RAB18: variants seen among roughly 807,000 people sequenced by gnomAD.
The protein encoded by RAB18 is RAB18, member RAS oncogene family.
Under a neutral mutation model 28.5 loss-of-function variants are expected in RAB18, and 10 were observed. The observed-to-expected ratio is 0.35, with a 90% CI of 0.22 to 0.60. The LOEUF (loss-of-function observed/expected upper bound fraction) is 0.60, where lower values mean the gene tolerates loss of function less well. Among genes scored for constraint, RAB18 ranks in the 20% least tolerant of loss-of-function variants. RAB18 has a pLI of 0.78. For synonymous variants in RAB18, 93 were observed against 86.9 expected, an observed-to-expected ratio of 1.07 and a Z score of -0.39; for missense variants, 188 against 244.2, an observed-to-expected ratio of 0.77 and a Z score of 1.53.
At position 27,541,359 on chromosome 10, in the gene RAB18, T is replaced by C. The variant is rs61843364; in HGVS notation, c.*3308T>C. On this transcript the variant is annotated 3_prime_UTR_variant, in exon 7 of 7. Coordinates refer to ENST00000356940, the MANE Select transcript of RAB18 (RefSeq NM_021252.5). ...TCACCCAGGTCTTTTTTTTTTTTTT[T>C]AATTTTTCTCTCCTCAGTTGGGAAC... 1 of 418,886 alleles carries C rather than the reference T, an allele frequency of 2.4e-6. No homozygotes were observed. 25.9% of individuals were successfully genotyped at this position (418,886 alleles called of 1,614,324 possible). A position where few individuals can be genotyped will look rare whatever the true frequency, so the allele number is the denominator to read the frequency against.
At chr10:27,532,380 C>G in intron 3 of RAB18, 127 bp from the exon 4 acceptor site, 1 of 631,490 alleles carries the variant, frequency 1.6e-6, no homozygotes, top group Non-Finnish European at 2.7e-6. Context: ...TATTTAAGTT[C>G]CAGTTTTTTA....
intron 1 of RAB18, among the ~76,000 whole-genome samples, chr10:27,505,933 GAAT>G (rs1837820212): frequency 1.3e-5 from 2 of 152,294 alleles, no homozygotes; most frequent in Admixed American, 1.3e-4. Flanking sequence ...CCAAGGAATA[GAAT>G]AATGAAATAC....
In RAB18 at chr10:27,540,682, T is replaced by C. The variant is rs1315827574; in HGVS notation, c.*2631T>C. Reference sequence around the variant, plus strand: ...TAGGGGACTTATGGTACCTTCACTTTTTATGTGAGAATAGAAATTATGGAA... The same window carrying C: ...TAGGGGACTTATGGTACCTTCACTTCTTATGTGAGAATAGAAATTATGGAA... On this transcript the variant is annotated 3_prime_UTR_variant, in exon 7 of 7. Coordinates refer to ENST00000356940, the MANE Select transcript of RAB18 (RefSeq NM_021252.5). The C allele has an allele frequency of 2.2e-6, 1 of 454,074 alleles. No homozygotes were observed. The highest frequency in any genetic ancestry group is 1.6e-5 in the South Asian group (1 of 64,470). The allele number at this position is 454,074 out of a possible 1,614,324, so 28.1% of individuals were successfully genotyped here.
chr10:27,513,753 G>C (rs546935681), intron 2 of RAB18, among the ~76,000 whole-genome samples: 1 of 152,270 alleles, frequency 6.6e-6, no homozygotes, highest in South Asian at 2.1e-4. Flanking sequence ...GGAGCTCAGA[G>C]ACAACAAGAA....
At chr10:27,522,633 T>C (rs1186869270) in intron 2 of RAB18, among the ~76,000 whole-genome samples, 5 of 152,166 alleles carry the variant, frequency 3.3e-5, no homozygotes, top group African/African-American at 9.6e-5. Context: ...TGCCTTCTTA[T>C]CTGTTTAGGG....
Position 27,528,299 on chromosome 10 carries a change from A to T in RAB18, c.186+1410A>T, listed in dbSNP as rs775575806. ...GAGACATTTTTACCATAGGCCTATA[A>T]ACATTTTTTAAAGAAGAGAGGTTTT... On this transcript the variant is annotated intron_variant, in intron 3 of 6. Coordinates refer to ENST00000356940, the MANE Select transcript of RAB18 (RefSeq NM_021252.5). The T allele has an allele frequency of 8.1e-6, 4 of 496,862 alleles. No homozygotes were observed. In the East Asian group the frequency reaches 2.2e-4, roughly 28 times the overall value. The allele number at this position is 496,862 out of a possible 1,614,324, so 30.8% of individuals were successfully genotyped here. A position where few individuals can be genotyped will look rare whatever the true frequency, so the allele number is the denominator to read the frequency against.
chr10:27,505,079 A>G, intron 1 of RAB18: 1 of 533,470 alleles, frequency 1.9e-6, no homozygotes, highest in Non-Finnish European at 3.8e-6. Flanking sequence ...ATAAAATGTA[A>G]TTGTTATTTC....
At chr10:27,533,499 A>G (rs1328016761) in intron 4 of RAB18, among the ~76,000 whole-genome samples, 1 of 152,056 alleles carries the variant, frequency 6.6e-6, no homozygotes, top group Non-Finnish European at 1.5e-5. Flanking sequence ...ATTACACAGG[A>G]TATAATTTCA....
In RAB18 at chr10:27,538,151, A is replaced by G. The variant is rs569316134; in HGVS notation, c.*100A>G. On this transcript the variant is annotated 3_prime_UTR_variant, in exon 7 of 7. Transcript: ENST00000356940. ...ATTTTAGGGACCTTGCAGTTTGCAC[A>G]TAATTGTTTTATATCATAGCAGTAA... is the stretch of plus-strand genomic sequence containing the variant. The G allele has an allele frequency of 1.1e-5, 16 of 1,474,168 alleles. No individual in the cohort carries two copies. Among genetic ancestry groups the G allele is most frequent in the African/African-American group, 6.9e-5 (5 of 72,082 alleles). The allele number at this position is 1,474,168 out of a possible 1,614,324, so 91.3% of individuals were successfully genotyped here.
At position 27,538,573 on chromosome 10, in the gene RAB18, G is replaced by C. The variant is rs1219541084; in HGVS notation, c.*522G>C. 7 of 454,388 alleles carry C rather than the reference G, an allele frequency of 1.5e-5. No individual in the cohort carries two copies. The highest frequency in any genetic ancestry group is 3.1e-5 in the Non-Finnish European group (7 of 226,796). 28.1% of individuals were successfully genotyped at this position (454,388 alleles called of 1,614,324 possible). On this transcript the variant is annotated 3_prime_UTR_variant, in exon 7 of 7. Transcript: ENST00000356940. The stretch of plus-strand genomic sequence containing the variant: ...CTAAGCAAAATTCTCATCACAGAAT[G>C]TAGCCCAGGCCAATTTATAACTAAA...
In RAB18 at chr10:27,539,536, T is replaced by C. The variant is rs1451066632; in HGVS notation, c.*1485T>C. 1.3e-5 allele frequency: 5 copies of C among 396,884 alleles called. No homozygotes were observed. The highest frequency in any genetic ancestry group is 1.9e-5 in the South Asian group (1 of 51,932). The allele number at this position is 396,884 out of a possible 1,614,324, so 24.6% of individuals were successfully genotyped here. A position where few individuals can be genotyped will look rare whatever the true frequency, so the allele number is the denominator to read the frequency against. On this transcript the variant is annotated 3_prime_UTR_variant, in exon 7 of 7. Coordinates refer to ENST00000356940, the MANE Select transcript of RAB18 (RefSeq NM_021252.5). ...ACATTCTATATGCTTTTACTAAATA[T>C]ACAAGATTTACTACTAGAAATTTGG...
intron 2 of RAB18, among the ~76,000 whole-genome samples, chr10:27,520,691 C>T (rs765323114): frequency 4.1e-4 from 62 of 151,838 alleles, no homozygotes; most frequent in Non-Finnish European, 7.4e-5. Flanking sequence ...CCAAGGCAGG[C>T]AGATTACCTG....
chr10:27,516,198 G>A (rs2138986799), intron 2 of RAB18, among the ~76,000 whole-genome samples: 1 of 152,136 alleles, frequency 6.6e-6, no homozygotes, highest in African/African-American at 2.4e-5. Context: ...TTTTGGTATG[G>A]AGTGTTTCTT....
chr10:27,533,885 T>C, intron 5 of RAB18, 32 bp downstream of exon 5: 1 of 1,609,100 alleles, frequency 6.2e-7, no homozygotes, highest in Non-Finnish European at 8.5e-7. Context: ...ATTTTGGTTC[T>C]ATATTTTGGT....
chr10:27,526,718 G>A (rs779822247), intron 2 of RAB18, 110 bp from the exon 3 acceptor site: 6 of 1,304,560 alleles, frequency 4.6e-6, no homozygotes, highest in Non-Finnish European at 4.4e-6. Context: ...AAGTTGGGGT[G>A]TGAATTGGGC....
At chr10:27,517,316 T>C (rs572860547) in intron 2 of RAB18, among the ~76,000 whole-genome samples, 20 of 152,192 alleles carry the variant, frequency 1.3e-4, no homozygotes, top group African/African-American at 4.6e-4. Flanking sequence ...TGAGCCGAGA[T>C]TGTGCCACTG....
intron 1 of RAB18, among the ~76,000 whole-genome samples, chr10:27,509,275 G>C (rs909624515): frequency 1.3e-5 from 2 of 152,142 alleles, no homozygotes; most frequent in African/African-American, 2.4e-5. Context: ...GTAGCCTCCA[G>C]TTGCCTACTT....
At position 27,538,530 on chromosome 10, in the gene RAB18, T is replaced by A; in HGVS notation, c.*479T>A. 2.2e-6 allele frequency: 1 copy of A among 454,598 alleles called. No homozygotes were observed. Among genetic ancestry groups the A allele is most frequent in the Non-Finnish European group, 4.4e-6 (1 of 226,816 alleles). 28.2% of individuals were successfully genotyped at this position (454,598 alleles called of 1,614,324 possible). A position where few individuals can be genotyped will look rare whatever the true frequency, so the allele number is the denominator to read the frequency against. On this transcript the variant is annotated 3_prime_UTR_variant, in exon 7 of 7. Coordinates refer to ENST00000356940, the MANE Select transcript of RAB18 (RefSeq NM_021252.5). ...GATTCCACAGCTTTTCTGGGATGTTTGAGATTCTTTTTTAGTACTAAGCAA... is the reference window on the plus strand; with the variant it reads ...GATTCCACAGCTTTTCTGGGATGTTAGAGATTCTTTTTTAGTACTAAGCAA...
chr10:27,524,768 T>C (rs1184833369), intron 2 of RAB18, among the ~76,000 whole-genome samples: 1 of 152,172 alleles, frequency 6.6e-6, no homozygotes, highest in African/African-American at 2.4e-5. Context: ...TTAAGATAAA[T>C]TATCAGCCAC....
Sources: allele counts gnomAD v4.1 joint callset (sites outside exome capture counted in the v4.1 genomes callset), GRCh38; gene constraint gnomAD v4.1.1; transcripts MANE v1.5; gene names NCBI Gene and HGNC (gene_info 2026-07-23, HGNC 2026-07-21).